BEGAIN: variants seen among roughly 807,000 people sequenced by gnomAD.
BEGAIN encodes brain enriched guanylate kinase associated.
BEGAIN carries 19 observed loss-of-function variants against 35.8 expected under a neutral mutation model. That is an observed-to-expected ratio of 0.53 (90% CI 0.37 to 0.78). The LOEUF (loss-of-function observed/expected upper bound fraction) is 0.78. Ranked by LOEUF, BEGAIN falls within the 30% of genes least tolerant of loss-of-function variation. The pLI is 0.00. For missense variants in BEGAIN, 795 were observed against 853.6 expected (o/e 0.93, Z 0.85); for synonymous variants, 462 against 388.6 (o/e 1.19, Z -2.22).
chr14:100,574,928 C>G (rs1486508617), intron 1 of BEGAIN, among the ~76,000 whole-genome samples: 3 of 152,192 alleles, frequency 2.0e-5, no homozygotes, highest in Non-Finnish European at 4.4e-5. Flanking sequence ...CTTTTGTTCT[C>G]AGATAAACAT....
chr14:100,584,326 T>C (rs1426205616), intron 1 of BEGAIN, among the ~76,000 whole-genome samples: 2 of 152,206 alleles, frequency 1.3e-5, no homozygotes, highest in African/African-American at 4.8e-5. Context: ...GCTGCTGTAC[T>C]GTCCTCCAGA....
chr14:100,546,806 ACACACACT>A lies in BEGAIN; in HGVS notation c.72-152_72-145del, dbSNP rs1219143749. 1.6e-3 allele frequency: 952 copies of A among 594,692 alleles called. 4 individuals carry two copies. The African/African-American group carries it at 0.017, about 10-fold the overall frequency. 36.8% of individuals were successfully genotyped at this position (594,692 alleles called of 1,614,324 possible). ...CACACACACACACACACACACACAC[ACACACACT>A]CACACACACCCAGCCTCCCGGGCGT... On this transcript the variant is annotated intron_variant, in intron 2 of 6. Coordinates refer to ENST00000554140, the MANE Select transcript of BEGAIN (RefSeq NM_001385089.1).
chr14:100,544,046 T>C, intron 4 of BEGAIN, 81 bp from the exon 5 acceptor site: 1 of 1,044,936 alleles, frequency 9.6e-7, no homozygotes, highest in South Asian at 1.4e-5. Context: ...CACCCCCTGG[T>C]TTGTCCCTTG....
At chr14:100,544,788 C>T (rs1342750359) in intron 4 of BEGAIN, among the ~76,000 whole-genome samples, 1 of 152,168 alleles carries the variant, frequency 6.6e-6, no homozygotes, top group Non-Finnish European at 1.5e-5. Flanking sequence ...GGAGTGCTCG[C>T]ACCCGCCACT....
intron 2 of BEGAIN, among the ~76,000 whole-genome samples, chr14:100,566,951 A>G (rs8006176): frequency 0.57 from 86,375 of 152,094 alleles, 27,898 homozygotes; most frequent in African/African-American, 0.89. Context: ...CAGCTGGCAG[A>G]GCCCAGGGCC....
At chr14:100,549,111 C>T (rs1195306524) in intron 2 of BEGAIN, 1 of 152,428 alleles carries the variant, frequency 6.6e-6, no homozygotes, top group African/African-American at 2.4e-5. Flanking sequence ...CCCAGGGTTC[C>T]TGCCACGTCT....
At chr14:100,544,967 G>A (rs777278140) in intron 4 of BEGAIN, 33 bp downstream of exon 4, 2 of 1,601,732 alleles carry the variant, frequency 1.2e-6, no homozygotes, top group South Asian at 2.2e-5. Flanking sequence ...GGAGGTGTGG[G>A]GTGGGGGAGT....
At chr14:100,551,010 C>G (rs146803536) in intron 2 of BEGAIN, among the ~76,000 whole-genome samples, 1 of 152,116 alleles carries the variant, frequency 6.6e-6, no homozygotes, top group Admixed American at 6.5e-5. Flanking sequence ...CTGCATCTGT[C>G]GGGTGCCTGC....
intron 2 of BEGAIN, among the ~76,000 whole-genome samples, chr14:100,564,844 C>CT (rs1389019817): frequency 6.6e-6 from 1 of 151,998 alleles, no homozygotes; most frequent in African/African-American, 2.4e-5. Context: ...TCAGTGGGAG[C>CT]CCCACTGACC....
In BEGAIN at chr14:100,538,509, C is replaced by T; in HGVS notation, c.1299G>A (p.Met433Ile). The change falls in exon 7 of 7, where the codon ATG becomes ATA. Residue 433 changes from methionine (M) to isoleucine (I), a missense_variant. By Grantham distance (10) the Met-to-Ile change is conservative (BLOSUM62 1). Coordinates refer to ENST00000554140, the MANE Select transcript of BEGAIN (RefSeq NM_001385089.1). ...CGCTCAGGGGACGCCACTGGCCCCT[C>T]ATGTCCTCCCCGGGGAGCCGGGCGG... ...PGTARLPGED[M>I]RGQWRPLSVE... 6.5e-7 allele frequency: 1 copy of T among 1,530,054 alleles called. No individual in the cohort carries two copies. Among genetic ancestry groups the T allele is most frequent in the Non-Finnish European group, 8.7e-7 (1 of 1,142,934 alleles). The allele number at this position is 1,530,054 out of a possible 1,614,324, so 94.8% of individuals were successfully genotyped here.
chr14:100,573,155 C>A lies in BEGAIN; in HGVS notation c.43-5216G>T, dbSNP rs1435310691. ...CCAGTAGCAGATGAATCCCAAGGGG[C>A]CACTGGAGGAGGGAGCAGGTGAGTC... On this transcript the variant is annotated intron_variant, in intron 1 of 6. Transcript: ENST00000554140. The surrounding 1 kb of genome is among the most constrained non-coding windows in gnomAD (Gnocchi z 4.2). Among the ~76,000 whole-genome samples, 2 of 150,366 alleles carry A rather than the reference C, an allele frequency of 1.3e-5. No individual in the cohort carries two copies. The highest frequency in any genetic ancestry group is 3.0e-5 in the Non-Finnish European group (2 of 67,666).
In BEGAIN at chr14:100,573,035, G is replaced by T. The variant is rs1005242658; in HGVS notation, c.43-5096C>A. 6.6e-6 allele frequency among the ~76,000 whole-genome samples: 1 copy of T among 151,848 alleles called. No homozygotes were observed. Among genetic ancestry groups the T allele is most frequent in the Admixed American group, 6.6e-5 (1 of 15,252 alleles). On this transcript the variant is annotated intron_variant, in intron 1 of 6. Coordinates refer to ENST00000554140, the MANE Select transcript of BEGAIN (RefSeq NM_001385089.1). The surrounding 1 kb of genome is among the most constrained non-coding windows in gnomAD (Gnocchi z 4.2). ...ACCACCCCTCCCACCCTGTATGTCCGACGGGGATATGTGTACAGAGAAGGA... is the reference window on the plus strand; with the variant it reads ...ACCACCCCTCCCACCCTGTATGTCCTACGGGGATATGTGTACAGAGAAGGA...
chr14:100,547,550 A>T (rs914724280), intron 2 of BEGAIN: 2 of 152,294 alleles, frequency 1.3e-5, no homozygotes, highest in Admixed American at 1.3e-4. Context: ...TCCAACAGGG[A>T]TGGCTCGGAG....
intron 2 of BEGAIN, among the ~76,000 whole-genome samples, chr14:100,554,020 T>C (rs1309958644): frequency 6.6e-6 from 1 of 152,208 alleles, no homozygotes; most frequent in Non-Finnish European, 1.5e-5. Flanking sequence ...CCTGCTGTCC[T>C]TCCTCCGTCA....
chr14:100,554,983 C>G (rs1316733513), intron 2 of BEGAIN, among the ~76,000 whole-genome samples: 1 of 152,242 alleles, frequency 6.6e-6, no homozygotes, highest in Non-Finnish European at 1.5e-5. Flanking sequence ...CCAGGCTGAG[C>G]AGGGGGGTCA....
rs1210937399 is a variant in BEGAIN, at chr14:100,573,038, G to A, written c.43-5099C>T. 1.3e-5 allele frequency among the ~76,000 whole-genome samples: 2 copies of A among 151,850 alleles called. No individual in the cohort carries two copies. Among genetic ancestry groups the A allele is most frequent in the Admixed American group, 6.6e-5 (1 of 15,252 alleles). On this transcript the variant is annotated intron_variant, in intron 1 of 6. Coordinates refer to ENST00000554140, the MANE Select transcript of BEGAIN (RefSeq NM_001385089.1). The surrounding 1 kb of genome is among the most constrained non-coding windows in gnomAD (Gnocchi z 4.2). ...ACCCCTCCCACCCTGTATGTCCGAC[G>A]GGGATATGTGTACAGAGAAGGATGG... is the stretch of plus-strand genomic sequence containing the variant.
chr14:100,563,163 T>C lies in BEGAIN; in HGVS notation c.71+4748A>G, dbSNP rs2139673454. ...TCTCAGCCTGGACAAGTGTCCGACA[T>C]GGACAGGACCACAAGCACCGGTCAT... is the stretch of plus-strand genomic sequence containing the variant. On this transcript the variant is annotated intron_variant, in intron 2 of 6. Transcript: ENST00000554140. The surrounding 1 kb of genome is among the most constrained non-coding windows in gnomAD (Gnocchi z 4.2). Among the ~76,000 whole-genome samples, 1 of 152,266 alleles carries C rather than the reference T, an allele frequency of 6.6e-6. No homozygotes were observed.
At chr14:100,543,294 G>GTT (rs1228213321) in intron 5 of BEGAIN, among the ~76,000 whole-genome samples, 2 of 142,302 alleles carry the variant, frequency 1.4e-5, no homozygotes, top group African/African-American at 2.6e-5. Context: ...GGCCAGAGGT[G>GTT]TTTTTTTTTT....
intron 1 of BEGAIN, chr14:100,569,018 G>A (rs1026484728): frequency 1.1e-6 from 1 of 901,584 alleles, no homozygotes; most frequent in Non-Finnish European, 1.3e-6. Flanking sequence ...GCCCCGCCGG[G>A]CGAGGGCGCA....
Sources: allele counts gnomAD v4.1 joint callset (sites outside exome capture counted in the v4.1 genomes callset), GRCh38; gene constraint gnomAD v4.1.1; non-coding constraint Gnocchi (gnomAD v3.1); transcripts MANE v1.5; gene names NCBI Gene and HGNC (gene_info 2026-07-23, HGNC 2026-07-21).